SNTG1: variants seen among roughly 807,000 people sequenced by gnomAD.
SNTG1 encodes syntrophin gamma 1.
Under a neutral mutation model 74.7 loss-of-function variants are expected in SNTG1, and 39 were observed. The observed-to-expected ratio is 0.52, with a 90% confidence interval of 0.40 to 0.68. The LOEUF is 0.68. SNTG1 is among the 30% of genes least tolerant of loss of function. The pLI, the probability that SNTG1 is intolerant of heterozygous loss-of-function variation, is 0.00. For missense variants in SNTG1, 685 were observed against 609.5 expected (o/e 1.12, Z -1.30); for synonymous variants, 254 against 217.1 (o/e 1.17, Z -1.49).
intron 17 of SNTG1, among the ~76,000 whole-genome samples, chr8:50,717,668 T>C (rs2095478176): frequency 6.6e-6 from 1 of 152,210 alleles, no homozygotes; most frequent in African/African-American, 2.4e-5. Flanking sequence ...CTTCTGCAAA[T>C]CATACAGACA....
intron 1 of SNTG1, among the ~76,000 whole-genome samples, chr8:50,065,836 A>C (rs530874023): frequency 6.6e-6 from 1 of 152,336 alleles, no homozygotes; most frequent in African/African-American, 2.4e-5. Flanking sequence ...TAATTTACTC[A>C]AGGTGTAGAT....
chr8:50,128,687 G>C (rs962301811), intron 1 of SNTG1, among the ~76,000 whole-genome samples: 5 of 152,062 alleles, frequency 3.3e-5, no homozygotes, highest in African/African-American at 9.7e-5. Context: ...AATTGAACCA[G>C]CTTCATGGAG....
At chr8:50,068,862 C>A (rs947745315) in intron 1 of SNTG1, among the ~76,000 whole-genome samples, 2 of 152,126 alleles carry the variant, frequency 1.3e-5, no homozygotes, top group African/African-American at 2.4e-5. Flanking sequence ...TCAGTCAGCT[C>A]CCTGTGCGTC....
intron 2 of SNTG1, among the ~76,000 whole-genome samples, chr8:50,293,176 C>T (rs755755261): frequency 3.3e-5 from 5 of 152,160 alleles, no homozygotes; most frequent in Non-Finnish European, 4.4e-5. Context: ...GAGTACTAAA[C>T]ACTGATTGGT....
intron 1 of SNTG1, among the ~76,000 whole-genome samples, chr8:50,059,058 G>C (rs1038593155): frequency 5.3e-5 from 8 of 152,050 alleles, no homozygotes; most frequent in African/African-American, 1.9e-4. Context: ...ATTCATCCAA[G>C]TTGTTGCTCA....
At chr8:50,779,442 G>C (rs573918616) in intron 18 of SNTG1, among the ~76,000 whole-genome samples, 1 of 152,124 alleles carries the variant, frequency 6.6e-6, no homozygotes, top group African/African-American at 2.4e-5. Context: ...TGGATTCCTA[G>C]GTATTTTATT....
At chr8:50,247,860 T>C (rs1335023014) in intron 2 of SNTG1, among the ~76,000 whole-genome samples, 1 of 152,014 alleles carries the variant, frequency 6.6e-6, no homozygotes, top group Non-Finnish European at 1.5e-5. Flanking sequence ...TCCATGAGCT[T>C]TTTGAAGACC....
At chr8:49,958,957 CT>C (rs2129670705) in intron 1 of SNTG1, among the ~76,000 whole-genome samples, 1 of 152,218 alleles carries the variant, frequency 6.6e-6, no homozygotes, top group South Asian at 2.1e-4. Flanking sequence ...TGAAAGTGTG[CT>C]TTTAAGCATA....
chr8:50,576,330 T>C lies in SNTG1; in HGVS notation c.811-14549T>C, dbSNP rs1289503904. ...TCTGGACTCTATTCTATTCTATGTA[T>C]CTATGTGCCCGTTTTTAGACCTATA... On this transcript the variant is annotated intron_variant, in intron 12 of 18. Coordinates refer to ENST00000642720, the MANE Select transcript of SNTG1 (RefSeq NM_018967.5). 2.0e-5 allele frequency among the ~76,000 whole-genome samples: 3 copies of C among 152,198 alleles called. No homozygotes were observed. The East Asian group carries it at 5.8e-4, about 29-fold the overall frequency.
At chr8:50,478,291 T>G (rs113106333) in intron 8 of SNTG1, among the ~76,000 whole-genome samples, 4,841 of 152,308 alleles carry the variant, frequency 0.032, 257 homozygotes, top group African/African-American at 0.11. Context: ...ATTTGGACTT[T>G]AAGTCATCCC....
intron 2 of SNTG1, among the ~76,000 whole-genome samples, chr8:50,195,083 C>T (rs2083712988): frequency 6.6e-6 from 1 of 152,092 alleles, no homozygotes; most frequent in Non-Finnish European, 1.5e-5. Context: ...CTAGGCATCA[C>T]TGACCTCAGT....
At chr8:50,110,649 C>G (rs2080547483) in intron 1 of SNTG1, among the ~76,000 whole-genome samples, 1 of 152,136 alleles carries the variant, frequency 6.6e-6, no homozygotes, top group African/African-American at 2.4e-5. Context: ...CCTTTAAATC[C>G]AGGTAAACAT....
At chr8:50,195,596 C>T (rs1038306631) in intron 2 of SNTG1, among the ~76,000 whole-genome samples, 6 of 152,260 alleles carry the variant, frequency 3.9e-5, no homozygotes, top group Middle Eastern at 3.4e-3. Context: ...CTAGGGGATG[C>T]GGCAAGCTCC....
chr8:50,477,983 G>A (rs1406907404), intron 8 of SNTG1, among the ~76,000 whole-genome samples: 2 of 152,008 alleles, frequency 1.3e-5, no homozygotes, highest in African/African-American at 2.4e-5. Context: ...TACATATATG[G>A]GTACAATGAA....
At position 50,751,679 on chromosome 8, in the gene SNTG1, C is replaced by T. The variant is rs551503327; in HGVS notation, c.1285-322C>T. 3.9e-5 allele frequency among the ~76,000 whole-genome samples: 6 copies of T among 151,984 alleles called. No homozygotes were observed. The South Asian group carries it at 8.3e-4, about 21-fold the overall frequency. ...TTCCAGAATGATCAATTCAAAATCA[C>T]TTTGTCACTTCTATTGAAAAGGACT... On this transcript the variant is annotated intron_variant, in intron 17 of 18. Coordinates refer to ENST00000642720, the MANE Select transcript of SNTG1 (RefSeq NM_018967.5).
chr8:50,363,658 T>C (rs1342246024), intron 2 of SNTG1, among the ~76,000 whole-genome samples: 2 of 152,186 alleles, frequency 1.3e-5, no homozygotes, highest in Admixed American at 6.5e-5. Context: ...TTTTATTAGA[T>C]TGAATACAAA....
chr8:50,298,043 A>T (rs911748696), intron 2 of SNTG1, among the ~76,000 whole-genome samples: 1 of 151,910 alleles, frequency 6.6e-6, no homozygotes, highest in Non-Finnish European at 1.5e-5. Flanking sequence ...TAAAAAAAAA[A>T]ATCCATATTA....
chr8:49,925,746 G>T (rs556275521), intron 1 of SNTG1, among the ~76,000 whole-genome samples: 21 of 152,244 alleles, frequency 1.4e-4, no homozygotes, highest in African/African-American at 4.8e-4. Context: ...CCAAGTTGTT[G>T]CCTGTGCCAG....
At chr8:50,557,652 G>C (rs2094464280) in intron 12 of SNTG1, among the ~76,000 whole-genome samples, 1 of 152,106 alleles carries the variant, frequency 6.6e-6, no homozygotes, top group Admixed American at 6.5e-5. Context: ...ACTTGTCATT[G>C]GTCCCAGGGC....
Sources: gnomAD v4.1 joint callset for allele counts (sites outside exome capture counted in the v4.1 genomes callset) on GRCh38, gnomAD v4.1.1 for gene constraint, MANE v1.5 for transcripts, NCBI Gene and HGNC (gene_info 2026-07-23, HGNC 2026-07-21) for gene names.